ZC3H12B: variants seen among roughly 807,000 people sequenced by gnomAD.
ZC3H12B encodes the protein zinc finger CCCH-type containing 12B.
Under a neutral mutation model 43.9 loss-of-function variants are expected in ZC3H12B, and 7 were observed. The ratio of observed to expected loss-of-function variants is 0.16; its 90% CI spans 0.09 to 0.30. The LOEUF is 0.30. ZC3H12B is among the 10% of genes least tolerant of loss of function. The pLI is 1.00. For missense variants in ZC3H12B, 475 were observed against 670.2 expected, an observed-to-expected ratio of 0.71 and a Z score of 3.22; for synonymous variants, 222 against 241.7, an observed-to-expected ratio of 0.92 and a Z score of 0.76.
chrX:65,261,527 G>A, the ZC3H12B span, among the ~76,000 whole-genome samples: 6 of 110,914 alleles, frequency 5.4e-5, 1 homozygote, highest in African/African-American at 2.0e-4. Flanking sequence ...TTCCCAGAGT[G>A]TGGTATACAT....
the ZC3H12B span, among the ~76,000 whole-genome samples, chrX:65,040,173 A>G: frequency 2.7e-5 from 3 of 111,547 alleles, no homozygotes; most frequent in East Asian, 5.6e-4. Flanking sequence ...GGGGTGTGAC[A>G]TAAGTAATAA....
At chrX:65,436,377 C>T (rs1306389518) in intron 3 of ZC3H12B, among the ~76,000 whole-genome samples, 2 of 112,472 alleles carry the variant, frequency 1.8e-5, no homozygotes, top group South Asian at 3.7e-4. Context: ...GAATGTCCCA[C>T]CTCCAGATCA....
the ZC3H12B span, among the ~76,000 whole-genome samples, chrX:65,173,524 C>T: frequency 9.0e-5 from 10 of 111,703 alleles, no homozygotes; most frequent in African/African-American, 3.2e-4. Context: ...ATGCTTCCAA[C>T]TTTTGGCCAT....
chrX:65,310,401 A>G, the ZC3H12B span, among the ~76,000 whole-genome samples: 4 of 111,658 alleles, frequency 3.6e-5, no homozygotes, highest in Non-Finnish European at 7.5e-5. Context: ...CCCATTCACA[A>G]TCGCCATAAA....
the ZC3H12B span, among the ~76,000 whole-genome samples, chrX:65,347,367 C>G: frequency 1.8e-5 from 2 of 111,287 alleles, no homozygotes; most frequent in Non-Finnish European, 3.8e-5. Context: ...ATTCCAAAAA[C>G]CAGAACACCT....
At chrX:65,436,760 A>G (rs1194585731) in intron 3 of ZC3H12B, among the ~76,000 whole-genome samples, 1 of 111,343 alleles carries the variant, frequency 9.0e-6, no homozygotes, top group Non-Finnish European at 1.9e-5. Flanking sequence ...TTCATACAGG[A>G]CTACAATGTG....
At chrX:65,121,760 C>G in the ZC3H12B span, among the ~76,000 whole-genome samples, 1 of 111,131 alleles carries the variant, frequency 9.0e-6, no homozygotes, top group Admixed American at 9.6e-5. Flanking sequence ...AATTTTAGAT[C>G]TTTTCTGCTT....
chrX:65,500,018 T>C, intron 4 of ZC3H12B, 29 bp downstream of exon 9: 1 of 1,068,492 alleles, frequency 9.4e-7, no homozygotes, highest in East Asian at 3.0e-5. Flanking sequence ...AACTGAGTTC[T>C]GTACCACCGG....
the ZC3H12B span, among the ~76,000 whole-genome samples, chrX:65,206,593 T>A: frequency 9.0e-6 from 1 of 111,219 alleles, no homozygotes; most frequent in Middle Eastern, 4.6e-3. Flanking sequence ...CTTCTGGACA[T>A]TGGCTTAGGC....
chrX:65,121,830 C>T, the ZC3H12B span, among the ~76,000 whole-genome samples: 1 of 110,979 alleles, frequency 9.0e-6, no homozygotes, highest in African/African-American at 3.3e-5. Flanking sequence ...CCCAGAGATT[C>T]TAGTATGTTG....
At chrX:65,436,685 C>T (rs761175480) in intron 3 of ZC3H12B, among the ~76,000 whole-genome samples, 1 of 111,471 alleles carries the variant, frequency 9.0e-6, no homozygotes, top group Non-Finnish European at 1.9e-5. Flanking sequence ...TTTAAAAAAA[C>T]TTTTGATTTT....
chrX:65,139,817 A>G, the ZC3H12B span, among the ~76,000 whole-genome samples: 1 of 111,500 alleles, frequency 9.0e-6, no homozygotes, highest in East Asian at 2.8e-4. Flanking sequence ...GGTTACATTT[A>G]TTCCTAAGCA....
the ZC3H12B span, among the ~76,000 whole-genome samples, chrX:65,106,830 T>C: frequency 8.9e-6 from 1 of 111,766 alleles, no homozygotes; most frequent in East Asian, 2.8e-4. Context: ...GCAATTTACA[T>C]GTATTAATTT....
At chrX:65,344,859 A>T in the ZC3H12B span, among the ~76,000 whole-genome samples, 1 of 112,470 alleles carries the variant, frequency 8.9e-6, no homozygotes, top group Non-Finnish European at 1.9e-5. Context: ...ACATAAATTT[A>T]CAAGGAAAAA....
At chrX:65,083,519 A>G in the ZC3H12B span, among the ~76,000 whole-genome samples, 3 of 111,918 alleles carry the variant, frequency 2.7e-5, no homozygotes, top group African/African-American at 9.7e-5. Context: ...ATAGCCACAC[A>G]TAAAATTAAA....
chrX:65,386,725 T>C (rs1385100060), intron 2 of ZC3H12B, among the ~76,000 whole-genome samples: 1 of 111,717 alleles, frequency 9.0e-6, no homozygotes, highest in East Asian at 2.8e-4. Flanking sequence ...CTAGTTCTTT[T>C]AATTGTGATA....
the ZC3H12B span, among the ~76,000 whole-genome samples, chrX:65,285,105 G>A: frequency 9.5e-6 from 1 of 105,352 alleles, no homozygotes; most frequent in Admixed American, 9.9e-5. Flanking sequence ...TCTAGCAAGA[G>A]AATAATTATT....
chrX:65,403,367 C>T (rs546549150), intron 3 of ZC3H12B, among the ~76,000 whole-genome samples: 2 of 110,631 alleles, frequency 1.8e-5, no homozygotes, highest in Non-Finnish European at 3.8e-5. Context: ...GAGTTATTGG[C>T]CTTAAAAATG....
At chrX:65,156,797 T>C in the ZC3H12B span, among the ~76,000 whole-genome samples, 1 of 111,439 alleles carries the variant, frequency 9.0e-6, no homozygotes, top group East Asian at 2.8e-4. Flanking sequence ...CTCTTAGGCA[T>C]GCGTCATCCT....
Sources: allele counts gnomAD v4.1 joint callset (sites outside exome capture counted in the v4.1 genomes callset), GRCh38; gene constraint gnomAD v4.1.1; transcripts MANE v1.5; gene names NCBI Gene and HGNC (gene_info 2026-07-23, HGNC 2026-07-21).